The following DAB1 variants were observed in gnomAD, a reference collection of about 807,000 sequenced individuals.
DAB1 encodes DAB adaptor protein 1, also known as disabled homolog 1.
DAB1 carries 15 observed loss-of-function variants against 64.6 expected under a neutral mutation model. That is an observed-to-expected ratio of 0.23 (90% CI 0.16 to 0.36). DAB1 has a LOEUF of 0.36. Ranked by LOEUF, DAB1 falls within the 10% of genes least tolerant of loss-of-function variation. DAB1 has a pLI of 1.00. For missense variants in DAB1, 596 were observed against 706.7 expected, an observed-to-expected ratio of 0.84 and a Z score of 1.78; for synonymous variants, 235 against 251.9, an observed-to-expected ratio of 0.93 and a Z score of 0.64.
chr1:57,987,946 C>T (rs1372861338), intron 5 of DAB1, among the ~76,000 whole-genome samples: 2 of 151,840 alleles, frequency 1.3e-5, no homozygotes, highest in Non-Finnish European at 2.9e-5. Context: ...ATGCCTGGAG[C>T]ATCTGGTGGG....
chr1:58,212,880 A>T (rs1159750745), intron 4 of DAB1, among the ~76,000 whole-genome samples: 1 of 152,174 alleles, frequency 6.6e-6, no homozygotes, highest in Non-Finnish European at 1.5e-5. Flanking sequence ...TAAGACAAAC[A>T]GAGCTGGTGG....
intron 5 of DAB1, among the ~76,000 whole-genome samples, chr1:57,924,297 C>T (rs1424478773): frequency 6.6e-6 from 1 of 152,076 alleles, no homozygotes; most frequent in Non-Finnish European, 1.5e-5. Flanking sequence ...TGTTAACTAC[C>T]CAGTAAGAAT....
At chr1:57,606,197 T>TTTTTTTTTTGAGACGG (rs1553199400) in intron 7 of DAB1, 8 of 248,654 alleles carry the variant, frequency 3.2e-5, no homozygotes, top group Admixed American at 1.0e-4. Flanking sequence ...CCGGTATTTT[T>TTTTTTTTTTGAGACGG]AAAAGTCATG....
At chr1:57,755,451 T>C (rs1648760931) in intron 6 of DAB1, among the ~76,000 whole-genome samples, 1 of 152,182 alleles carries the variant, frequency 6.6e-6, no homozygotes, top group Admixed American at 6.5e-5. Flanking sequence ...TATTGAGCCA[T>C]GGGATATGTG....
intron 11 of DAB1, among the ~76,000 whole-genome samples, chr1:57,022,826 T>C (rs1221300306): frequency 1.3e-5 from 2 of 152,260 alleles, no homozygotes; most frequent in Non-Finnish European, 2.9e-5. Flanking sequence ...AAACTACCTT[T>C]GGCTATTTGC....
At chr1:57,608,589 A>T (rs1645689279) in intron 7 of DAB1, among the ~76,000 whole-genome samples, 1 of 152,210 alleles carries the variant, frequency 6.6e-6, no homozygotes, top group Non-Finnish European at 1.5e-5. Context: ...ATTAGTATTA[A>T]ATACTTGTGA....
chr1:58,511,164 C>T (rs1000519628), intron 2 of DAB1, among the ~76,000 whole-genome samples: 2 of 152,098 alleles, frequency 1.3e-5, no homozygotes, highest in Admixed American at 6.6e-5. Context: ...AACCCCAAAT[C>T]GCCAAAGCAA....
At chr1:58,291,151 T>G (rs1374876784) in intron 4 of DAB1, among the ~76,000 whole-genome samples, 2 of 152,156 alleles carry the variant, frequency 1.3e-5, no homozygotes, top group Admixed American at 6.5e-5. Context: ...GATGCTGTAA[T>G]CATACAAGGC....
intron 5 of DAB1, among the ~76,000 whole-genome samples, chr1:57,959,223 T>C (rs1448280466): frequency 6.6e-6 from 1 of 152,122 alleles, no homozygotes; most frequent in Non-Finnish European, 1.5e-5. Flanking sequence ...ATGGGACAGG[T>C]GAGGTGGGGA....
chr1:57,105,587 A>G (rs1199336992), intron 4 of DAB1, among the ~76,000 whole-genome samples: 1 of 152,138 alleles, frequency 6.6e-6, no homozygotes, highest in Non-Finnish European at 1.5e-5. Flanking sequence ...TAAGGATTCA[A>G]CTCACACATT....
At chr1:57,422,251 T>C (rs1357185908) in intron 1 of DAB1, among the ~76,000 whole-genome samples, 1 of 152,146 alleles carries the variant, frequency 6.6e-6, no homozygotes, top group Non-Finnish European at 1.5e-5. Context: ...TTAAAGTGTA[T>C]TTAACCGGCC....
chr1:57,279,759 C>A (rs944802382), intron 2 of DAB1, among the ~76,000 whole-genome samples: 4 of 152,196 alleles, frequency 2.6e-5, no homozygotes, highest in Non-Finnish European at 4.4e-5. Flanking sequence ...TTTCACTTTA[C>A]CTTTTTATAT....
intron 1 of DAB1, among the ~76,000 whole-genome samples, chr1:57,413,853 T>C (rs1684303343): frequency 6.6e-6 from 1 of 151,882 alleles, no homozygotes; most frequent in Non-Finnish European, 1.5e-5. Flanking sequence ...TTGGAAGAAG[T>C]TGATTCATGG....
chr1:58,511,165 G>A (rs1481716500), intron 2 of DAB1, among the ~76,000 whole-genome samples: 2 of 151,980 alleles, frequency 1.3e-5, no homozygotes, highest in Admixed American at 6.6e-5. Context: ...ACCCCAAATC[G>A]CCAAAGCAAT....
At chr1:58,311,640 A>T (rs1662431793) in intron 4 of DAB1, among the ~76,000 whole-genome samples, 1 of 152,034 alleles carries the variant, frequency 6.6e-6, no homozygotes, top group Non-Finnish European at 1.5e-5. Context: ...TCAGAGGTAA[A>T]CCAAGGTCTA....
intron 7 of DAB1, among the ~76,000 whole-genome samples, chr1:57,521,722 A>G (rs978100153): frequency 6.6e-6 from 1 of 152,226 alleles, no homozygotes; most frequent in African/African-American, 2.4e-5. Flanking sequence ...GCTGATAGAT[A>G]GAACATTATC....
chr1:57,375,753 T>C (rs1680842556), intron 1 of DAB1, among the ~76,000 whole-genome samples: 1 of 152,202 alleles, frequency 6.6e-6, no homozygotes, highest in African/African-American at 2.4e-5. Flanking sequence ...TGTGTCTGTG[T>C]GTGTCTATTT....
chr1:58,373,762 C>T (rs910705971), intron 3 of DAB1, among the ~76,000 whole-genome samples: 5 of 151,732 alleles, frequency 3.3e-5, no homozygotes, highest in Non-Finnish European at 5.9e-5. Context: ...ACACTGACTT[C>T]CACGATGGTT....
chr1:57,469,449 C>T (rs1455797330), intron 7 of DAB1, among the ~76,000 whole-genome samples: 1 of 152,008 alleles, frequency 6.6e-6, no homozygotes, highest in Non-Finnish European at 1.5e-5. Flanking sequence ...TTCCCTACTC[C>T]TTCCCTCCCT....
Sources: gnomAD v4.1 joint callset for allele counts (sites outside exome capture counted in the v4.1 genomes callset) on GRCh38, gnomAD v4.1.1 for gene constraint, MANE v1.5 for transcripts, NCBI Gene and HGNC (gene_info 2026-07-23, HGNC 2026-07-21) for gene names.